Variants in APH1B observed in about 807,000 individuals in gnomAD.
The protein encoded by APH1B is aph-1B gamma-secretase subunit, also known as gamma-secretase subunit APH-1B.
In APH1B, 27 loss-of-function variants were observed where a neutral mutation model predicts 28.2. That is an observed-to-expected ratio of 0.96 (90% confidence interval 0.70 to 1.32). The LOEUF (loss-of-function observed/expected upper bound fraction) is 1.32, where lower values mean the gene tolerates loss of function less well. Among genes scored for constraint, APH1B ranks in the 40% most tolerant of loss-of-function variants. The pLI is 0.00. For synonymous variants in APH1B, 141 were observed against 124.6 expected (o/e 1.13, Z -0.88); for missense variants, 305 against 313.6 (o/e 0.97, Z 0.21).
chr15:63,284,444 G>A (rs2038424508), intron 2 of APH1B, among the ~76,000 whole-genome samples: 1 of 152,050 alleles, frequency 6.6e-6, no homozygotes, highest in South Asian at 2.1e-4. Flanking sequence ...AAACTCCTGC[G>A]CTCAAGTGAC....
At chr15:63,294,797 G>A (rs1008673573) in intron 4 of APH1B, among the ~76,000 whole-genome samples, 1 of 152,186 alleles carries the variant, frequency 6.6e-6, no homozygotes, top group African/African-American at 2.4e-5. Context: ...TGAGATCAAA[G>A]TCCTTTGTTT....
chr15:63,287,309 A>G lies in APH1B; in HGVS notation c.356-115A>G, dbSNP rs145904116. 13 of 1,414,240 alleles carry G rather than the reference A, an allele frequency of 9.2e-6. No individual in the cohort carries two copies. In the Admixed American group the frequency reaches 2.7e-4, roughly 29 times the overall value. The allele number at this position is 1,414,240 out of a possible 1,614,324, so 87.6% of individuals were successfully genotyped here. A position where few individuals can be genotyped will look rare whatever the true frequency, so the allele number is the denominator to read the frequency against. On this transcript the variant is annotated intron_variant, in intron 3 of 5. Coordinates refer to ENST00000261879, the MANE Select transcript of APH1B (RefSeq NM_031301.4). ...TCCAGAGCCAGCTGTCCACTGCTTC[A>G]GGAAGAACATAAGCACCCTTTCCCC...
At chr15:63,303,596 A>C (rs994783319) in intron 5 of APH1B, among the ~76,000 whole-genome samples, 2 of 152,162 alleles carry the variant, frequency 1.3e-5, no homozygotes, top group Admixed American at 6.5e-5. Context: ...CCTGGGCTCA[A>C]GTGATTCTCC....
In APH1B at chr15:63,308,555, A is replaced by C. The variant is rs1443710859; in HGVS notation, c.*2774A>C. 8 of 152,244 alleles carry C rather than the reference A, an allele frequency of 5.3e-5. No individual in the cohort carries two copies. Among genetic ancestry groups the C allele is most frequent in the Non-Finnish European group, 8.8e-5 (6 of 68,046 alleles). 9.4% of individuals were successfully genotyped at this position (152,244 alleles called of 1,614,324 possible). ...GTGGAGAGTGGCAGATTCACACCAG[A>C]AACACTAGGTGTTCATATCCATAGC... On this transcript the variant is annotated 3_prime_UTR_variant, in exon 6 of 6. Coordinates refer to ENST00000261879, the MANE Select transcript of APH1B (RefSeq NM_031301.4).
Position 63,305,873 on chromosome 15 carries a change from A to G in APH1B, c.*92A>G. On this transcript the variant is annotated 3_prime_UTR_variant, in exon 6 of 6. Coordinates refer to ENST00000261879, the MANE Select transcript of APH1B (RefSeq NM_031301.4). ...TCTGAAAATCCCTTTTTCTGGTGGA[A>G]TTGAGAAAGAAATAAAACTATGCAG... 6.9e-7 allele frequency: 1 copy of G among 1,459,592 alleles called. No individual in the cohort carries two copies. Among genetic ancestry groups the G allele is most frequent in the Non-Finnish European group, 9.2e-7 (1 of 1,087,788 alleles). The allele number at this position is 1,459,592 out of a possible 1,614,324, so 90.4% of individuals were successfully genotyped here. A position where few individuals can be genotyped will look rare whatever the true frequency, so the allele number is the denominator to read the frequency against.
intron 4 of APH1B, among the ~76,000 whole-genome samples, chr15:63,299,551 C>T (rs1899377537): frequency 6.6e-6 from 1 of 152,000 alleles, no homozygotes; most frequent in Non-Finnish European, 1.5e-5. Context: ...ACTACAGGTG[C>T]CCTCCACCAC....
rs1393585314 is a variant in APH1B at position 63,304,652 on chromosome 15, GAATTTT to G, written c.607-959_607-954del. On this transcript the variant is annotated intron_variant, in intron 5 of 5. Coordinates refer to ENST00000261879, the MANE Select transcript of APH1B (RefSeq NM_031301.4). This position sits in a 1 kb window ranked among gnomAD's most constrained non-coding sequence, Gnocchi z 5.1. ...CTTTTTAATAAATATTAACCTAGCT[GAATTTT>G]AAGTTTTAAAATTTGTTCTATTTTT... Among the ~76,000 whole-genome samples, 1 of 152,094 alleles carries G rather than the reference GAATTTT, an allele frequency of 6.6e-6. No homozygotes were observed. Among genetic ancestry groups the G allele is most frequent in the African/African-American group, 2.4e-5 (1 of 41,394 alleles).
Position 63,301,291 on chromosome 15 carries a change from T to C in APH1B, c.479-1054T>C, listed in dbSNP as rs560170272. On this transcript the variant is annotated intron_variant, in intron 4 of 5. Transcript: ENST00000261879. ...CTAGACTGTTTTCCTATCAGCAGTATGAAAGAGAGTTGTCAGACTTGAATT... is the reference window on the plus strand; with the variant it reads ...CTAGACTGTTTTCCTATCAGCAGTACGAAAGAGAGTTGTCAGACTTGAATT... 2.6e-5 allele frequency among the ~76,000 whole-genome samples: 4 copies of C among 152,362 alleles called. No individual in the cohort carries two copies. In the South Asian group the frequency reaches 8.3e-4, roughly 32 times the overall value.
At chr15:63,279,034 T>A in intron 1 of APH1B, 127 bp from the exon 2 acceptor site, 1 of 776,424 alleles carries the variant, frequency 1.3e-6, no homozygotes, top group Non-Finnish European at 1.9e-6. Context: ...ATGAGGACTT[T>A]CTTTTCCTTA....
rs1198030858 is a variant in APH1B, at chr15:63,305,657, T to G, written c.650T>G (p.Phe217Cys). 6.2e-7 allele frequency: 1 copy of G among 1,614,196 alleles called. No homozygotes were observed. The highest frequency in any genetic ancestry group is 1.1e-5 in the South Asian group (1 of 91,082). Residue 217 changes from phenylalanine to cysteine, a missense_variant, in exon 6 of 6, where the codon TTT (phenylalanine) becomes TGT (cysteine). Phe to Cys is a radical substitution (Grantham distance 205). Transcript: ENST00000261879. Reference protein sequence around the residue: ...SYYGINLASAFIILVLMGTWA... With the variant: ...SYYGINLASACIILVLMGTWA... ...TATGGAATAAACCTGGCGTCAGCAT[T>G]TATAATCCTGGTGCTCATGGGCACC...
In APH1B at chr15:63,307,838, T is replaced by C. The variant is rs2038702788; in HGVS notation, c.*2057T>C. 1 of 152,206 alleles carries C rather than the reference T, an allele frequency of 6.6e-6. No individual in the cohort carries two copies. Among genetic ancestry groups the C allele is most frequent in the Non-Finnish European group, 1.5e-5 (1 of 68,032 alleles). The allele number at this position is 152,206 out of a possible 1,614,324, so 9.4% of individuals were successfully genotyped here. On this transcript the variant is annotated 3_prime_UTR_variant, in exon 6 of 6. Transcript: ENST00000261879. Reference sequence around the variant, plus strand: ...AAAAGCTGGGTATTGTAAAATCTCATTTATAAAAACTCAGATGAGAAGAAA... The same window carrying C: ...AAAAGCTGGGTATTGTAAAATCTCACTTATAAAAACTCAGATGAGAAGAAA...
At chr15:63,277,811 C>T in intron 1 of APH1B, 75 bp downstream of exon 1, 3 of 1,417,382 alleles carry the variant, frequency 2.1e-6, no homozygotes, top group Non-Finnish European at 2.9e-6. Context: ...ACCCTCGGCG[C>T]CCCCACCGCG....
At chr15:63,288,153 C>A (rs902100909) in intron 4 of APH1B, among the ~76,000 whole-genome samples, 1 of 152,180 alleles carries the variant, frequency 6.6e-6, no homozygotes, top group African/African-American at 2.4e-5. Flanking sequence ...GGGGAGAACA[C>A]CCACTGTATT....
At chr15:63,292,141 G>A (rs903657935) in intron 4 of APH1B, 3 of 152,186 alleles carry the variant, frequency 2.0e-5, no homozygotes, top group African/African-American at 7.2e-5. Flanking sequence ...CTCTTTGTAA[G>A]CAAGACTATC....
chr15:63,286,754 A>G (rs1394816668), intron 3 of APH1B, 126 bp downstream of exon 3: 2 of 826,042 alleles, frequency 2.4e-6, no homozygotes, highest in South Asian at 4.0e-5. Context: ...ATTGGTGTAC[A>G]TATTTGCTTA....
At chr15:63,296,153 G>A (rs1183641427) in intron 4 of APH1B, among the ~76,000 whole-genome samples, 2 of 152,162 alleles carry the variant, frequency 1.3e-5, no homozygotes, top group African/African-American at 4.8e-5. Flanking sequence ...TTCAGCTCTG[G>A]GGCCCGACTC....
At chr15:63,281,830 AT>A (rs2038392380) in intron 2 of APH1B, among the ~76,000 whole-genome samples, 1 of 151,348 alleles carries the variant, frequency 6.6e-6, no homozygotes, top group Admixed American at 6.6e-5. Flanking sequence ...CACTTTTTTA[AT>A]GAGGGCAGGA....
At chr15:63,288,086 G>T (rs193023363) in intron 4 of APH1B, among the ~76,000 whole-genome samples, 1 of 152,136 alleles carries the variant, frequency 6.6e-6, no homozygotes, top group Non-Finnish European at 1.5e-5. Context: ...AGTTGGTAGC[G>T]TACATAATTA....
At chr15:63,288,855 CAT>C (rs1339360745) in intron 4 of APH1B, among the ~76,000 whole-genome samples, 1 of 152,096 alleles carries the variant, frequency 6.6e-6, no homozygotes, top group East Asian at 1.9e-4. Flanking sequence ...ATTAATAAAA[CAT>C]AATCGTAAGG....
Sources: allele counts gnomAD v4.1 joint callset (sites outside exome capture counted in the v4.1 genomes callset), GRCh38; gene constraint gnomAD v4.1.1; non-coding constraint Gnocchi (gnomAD v3.1); transcripts MANE v1.5; gene names NCBI Gene and HGNC (gene_info 2026-07-23, HGNC 2026-07-21).